Variants in PRORP observed in about 807,000 individuals in gnomAD.
PRORP encodes protein only RNase P catalytic subunit, also known as mitochondrial ribonuclease P catalytic subunit.
Under a neutral mutation model 59.4 loss-of-function variants are expected in PRORP, and 51 were observed. The ratio of observed to expected loss-of-function variants is 0.86; its 90% CI spans 0.69 to 1.08. PRORP has a LOEUF of 1.08. Among genes scored for constraint, PRORP ranks in the 50% least tolerant of loss-of-function variants. The pLI, the probability that PRORP is intolerant of heterozygous loss-of-function variation, is 0.00. For missense variants in PRORP, 646 were observed against 690.3 expected (o/e 0.94, Z 0.72); for synonymous variants, 231 against 245.6 (o/e 0.94, Z 0.55).
chr14:35,173,949 T>A (rs1249511078), intron 4 of PRORP, among the ~76,000 whole-genome samples: 1 of 152,056 alleles, frequency 6.6e-6, no homozygotes. Flanking sequence ...TCCGTTGGAC[T>A]GTCAGATGGA....
chr14:35,129,164 C>T (rs28765972), intron 4 of PRORP, among the ~76,000 whole-genome samples: 57,917 of 151,700 alleles, frequency 0.38, 11,320 homozygotes, highest in Middle Eastern at 0.47. Context: ...GCCGAGATCA[C>T]GCCATTGCAC....
At chr14:35,271,344 A>C (rs1278201606) in intron 7 of PRORP, among the ~76,000 whole-genome samples, 1 of 151,438 alleles carries the variant, frequency 6.6e-6, no homozygotes, top group Non-Finnish European at 1.5e-5. Flanking sequence ...TTTTTAGTAG[A>C]GGTGGGGTTT....
At chr14:35,158,316 C>G (rs1464120220) in intron 4 of PRORP, 1 of 271,444 alleles carries the variant, frequency 3.7e-6, no homozygotes, top group Non-Finnish European at 7.4e-6. Context: ...TATGTGTTAT[C>G]AACATATTTC....
At chr14:35,122,166 A>G (rs1183751944), upstream of PRORP, 1 of 576,560 alleles carries the variant, frequency 1.7e-6, no homozygotes, top group East Asian at 2.9e-5. Context: ...TGACTGGGGG[A>G]AAAAACTATG....
chr14:35,217,176 T>A (rs2049622004), intron 5 of PRORP, among the ~76,000 whole-genome samples: 1 of 152,154 alleles, frequency 6.6e-6, no homozygotes, highest in Non-Finnish European at 1.5e-5. Context: ...TTTTCTTTCA[T>A]AACTTGTCTT....
At chr14:35,167,524 A>C (rs2048213817) in intron 4 of PRORP, among the ~76,000 whole-genome samples, 1 of 152,144 alleles carries the variant, frequency 6.6e-6, no homozygotes, top group Non-Finnish European at 1.5e-5. Flanking sequence ...AAATTTCTCT[A>C]GCCTCCATGT....
At chr14:35,249,878 G>T (rs1260267835) in intron 5 of PRORP, among the ~76,000 whole-genome samples, 1 of 152,124 alleles carries the variant, frequency 6.6e-6, no homozygotes, top group East Asian at 1.9e-4. Context: ...ATAGCTATGT[G>T]AATGTGTAAA....
intron 5 of PRORP, among the ~76,000 whole-genome samples, chr14:35,229,995 C>T (rs191721104): frequency 3.4e-5 from 5 of 148,100 alleles, no homozygotes; most frequent in Admixed American, 1.3e-4. Context: ...CTTCTGGGTA[C>T]ATATTTTTTT....
chr14:35,229,140 A>G (rs188720342), intron 5 of PRORP, among the ~76,000 whole-genome samples: 218 of 152,090 alleles, frequency 1.4e-3, no homozygotes, highest in Middle Eastern at 0.014. Context: ...TAATGGGACT[A>G]TTTGTTTTTT....
rs1169927428 is a variant in PRORP, at chr14:35,270,430, C to G, written c.1454C>G (p.Ala485Gly). The change falls in exon 7 of 8, where the codon GCC (alanine) becomes GGC (glycine). Residue 485 changes from alanine to glycine, a missense_variant. Physicochemically the swap from Ala to Gly is moderately conservative, Grantham distance 60. Coordinates refer to ENST00000534898, the MANE Select transcript of PRORP (RefSeq NM_014672.4). ...ISEDDPFLLY[A>G]TLHSGNHCRF... ...GAGGATGATCCATTCCTTCTGTATG[C>G]CACACTGCACTCCGGGAATCACTGC... 2 of 1,614,020 alleles carry G rather than the reference C, an allele frequency of 1.2e-6. No homozygotes were observed. Among genetic ancestry groups the G allele is most frequent in the Admixed American group, 1.7e-5 (1 of 60,020 alleles).
chr14:35,184,588 G>A lies in PRORP; in HGVS notation c.1275+3811G>A, dbSNP rs117325112. ...TGTTACATACATAAACATTTGTCAAGGGGGTTTGTTATACATATTATTTCA... is the reference window on the plus strand; with the variant it reads ...TGTTACATACATAAACATTTGTCAAAGGGGTTTGTTATACATATTATTTCA... On this transcript the variant is annotated intron_variant, in intron 5 of 7. Transcript: ENST00000534898. Among the ~76,000 whole-genome samples, 1,445 of 152,228 alleles carry A rather than the reference G, an allele frequency of 9.5e-3. 64 individuals are homozygous for A. The highest frequency in any genetic ancestry group is 0.072 in the Admixed American group (1,098 of 15,292).
intron 5 of PRORP, among the ~76,000 whole-genome samples, chr14:35,259,530 C>G (rs1446441962): frequency 6.6e-6 from 1 of 152,114 alleles, no homozygotes; most frequent in African/African-American, 2.4e-5. Context: ...CTTTTCCTCC[C>G]TTCCTATGGA....
At chr14:35,233,634 T>G (rs1313479134) in intron 5 of PRORP, among the ~76,000 whole-genome samples, 1 of 152,132 alleles carries the variant, frequency 6.6e-6, no homozygotes, top group African/African-American at 2.4e-5. Context: ...TGCTTGTTGC[T>G]TCTTTCTTTA....
At chr14:35,217,149 G>T (rs1317147166) in intron 5 of PRORP, among the ~76,000 whole-genome samples, 2 of 151,994 alleles carry the variant, frequency 1.3e-5, no homozygotes, top group Non-Finnish European at 2.9e-5. Flanking sequence ...TAATTGTGAT[G>T]ATGTCCAATC....
At chr14:35,154,700 C>CAA (rs138725314) in intron 4 of PRORP, among the ~76,000 whole-genome samples, 1 of 124,874 alleles carries the variant, frequency 8.0e-6, no homozygotes, top group Non-Finnish European at 1.8e-5. Context: ...AATGAATTGC[C>CAA]AAAAAAAAAA....
intron 5 of PRORP, chr14:35,262,874 C>T: frequency 6.5e-7 from 1 of 1,548,994 alleles, no homozygotes. Context: ...TATCTCAAGC[C>T]CAGAAAGATG....
chr14:35,221,009 A>G (rs1222519732), intron 5 of PRORP, among the ~76,000 whole-genome samples: 1 of 152,204 alleles, frequency 6.6e-6, no homozygotes, highest in East Asian at 1.9e-4. Flanking sequence ...CTGGGGAGGC[A>G]GGACAGATTC....
intron 4 of PRORP, among the ~76,000 whole-genome samples, chr14:35,130,937 C>T (rs573093387): frequency 1.6e-4 from 23 of 144,694 alleles, no homozygotes; most frequent in African/African-American, 4.6e-4. Flanking sequence ...ACCAGAGTAA[C>T]GGTCCTTTTC....
At chr14:35,130,624 C>T (rs1360438788) in intron 4 of PRORP, among the ~76,000 whole-genome samples, 2 of 151,772 alleles carry the variant, frequency 1.3e-5, no homozygotes, top group South Asian at 4.2e-4. Flanking sequence ...GCTAGGATTA[C>T]AGGTACCCTC....
Sources: allele counts gnomAD v4.1 joint callset (sites outside exome capture counted in the v4.1 genomes callset), GRCh38; gene constraint gnomAD v4.1.1; transcripts MANE v1.5; gene names NCBI Gene and HGNC (gene_info 2026-07-23, HGNC 2026-07-21).